Variants in CDH18 observed in about 807,000 individuals in gnomAD.
The protein encoded by CDH18 is cadherin-18.
CDH18 carries 31 observed loss-of-function variants against 67.9 expected under a neutral mutation model. That is an observed-to-expected ratio of 0.46 (90% CI 0.34 to 0.62). CDH18 has a LOEUF of 0.62. Ranked by LOEUF, CDH18 falls within the 20% of genes least tolerant of loss-of-function variation. The pLI, the probability that CDH18 is intolerant of heterozygous loss-of-function variation, is 0.01. For missense variants in CDH18, 890 were observed against 975.5 expected (o/e 0.91, Z 1.17); for synonymous variants, 362 against 347.2 (o/e 1.04, Z -0.48).
chr5:19,827,493 A>T (rs1247027679), intron 3 of CDH18, among the ~76,000 whole-genome samples: 3 of 152,156 alleles, frequency 2.0e-5, no homozygotes, highest in African/African-American at 7.2e-5. Context: ...ATAAAAAATA[A>T]AACAACCCTA....
At chr5:19,757,399 C>T (rs922605748) in intron 3 of CDH18, among the ~76,000 whole-genome samples, 1 of 152,186 alleles carries the variant, frequency 6.6e-6, no homozygotes, top group Non-Finnish European at 1.5e-5. Context: ...CTGCTGCTGG[C>T]AAACTGGGCA....
chr5:19,593,763 C>A (rs562991334), intron 6 of CDH18, among the ~76,000 whole-genome samples: 72 of 62,782 alleles, frequency 1.1e-3, no homozygotes, highest in Non-Finnish European at 1.9e-3. Flanking sequence ...CTTCTTCTTT[C>A]CTTTTATTAT....
At chr5:20,081,180 T>A (rs957091148) in intron 2 of CDH18, among the ~76,000 whole-genome samples, 2 of 152,198 alleles carry the variant, frequency 1.3e-5, no homozygotes, top group Non-Finnish European at 2.9e-5. Flanking sequence ...TTCATTTTAT[T>A]ATGGTTTATA....
intron 11 of CDH18, among the ~76,000 whole-genome samples, chr5:19,494,345 A>G (rs150689974): frequency 6.6e-6 from 1 of 152,310 alleles, no homozygotes; most frequent in Admixed American, 6.5e-5. Flanking sequence ...ATAATTGCCT[A>G]TATGTCTCCA....
chr5:19,830,488 T>A (rs913226140), intron 3 of CDH18, among the ~76,000 whole-genome samples: 1 of 152,212 alleles, frequency 6.6e-6, no homozygotes, highest in East Asian at 1.9e-4. Context: ...CACAATTTGA[T>A]ACCATCTTAC....
chr5:19,978,071 T>C (rs1254703986), intron 2 of CDH18, among the ~76,000 whole-genome samples: 1 of 152,124 alleles, frequency 6.6e-6, no homozygotes, highest in Non-Finnish European at 1.5e-5. Flanking sequence ...AAATATTCCA[T>C]ATTTTACTTT....
In CDH18 at chr5:20,198,201, GT is replaced by G. The variant is rs199751580; in HGVS notation, c.-518+57242del. 6.7e-3 allele frequency among the ~76,000 whole-genome samples: 1,024 copies of G among 152,330 alleles called. 14 individuals carry two copies. Among genetic ancestry groups the G allele is most frequent in the African/African-American group, 0.024 (979 of 41,572 alleles). ...TGGAAATATACCCATAAATGTGGAA[GT>G]GACTTTGGAACTCGGTAACAGACAG... On this transcript the variant is annotated intron_variant, in intron 2 of 14. Coordinates refer to the CDH18 transcript ENST00000507958.
At chr5:20,068,078 A>G (rs1743141095) in intron 2 of CDH18, among the ~76,000 whole-genome samples, 1 of 152,018 alleles carries the variant, frequency 6.6e-6, no homozygotes, top group African/African-American at 2.4e-5. Context: ...TTCAACGTGG[A>G]CTCTACACTA....
At chr5:20,219,396 T>C (rs1424631935) in intron 2 of CDH18, among the ~76,000 whole-genome samples, 1 of 151,424 alleles carries the variant, frequency 6.6e-6, no homozygotes, top group Non-Finnish European at 1.5e-5. Context: ...TTACCAAATA[T>C]GTAAAGAAGA....
intron 1 of CDH18, among the ~76,000 whole-genome samples, chr5:20,292,755 T>C (rs918438210): frequency 2.6e-5 from 4 of 152,280 alleles, no homozygotes; most frequent in South Asian, 2.1e-4. Context: ...GTTCTCTGCC[T>C]CAATCATCAC....
intron 2 of CDH18, among the ~76,000 whole-genome samples, chr5:20,244,769 G>A (rs1743247177): frequency 6.6e-6 from 1 of 151,964 alleles, no homozygotes. Context: ...ACATGTTGTT[G>A]CTTGTAATGT....
At chr5:19,663,139 G>A (rs932786824) in intron 5 of CDH18, among the ~76,000 whole-genome samples, 2 of 151,766 alleles carry the variant, frequency 1.3e-5, no homozygotes, top group African/African-American at 4.8e-5. Flanking sequence ...TAAAATTAAT[G>A]CTTTCAAAAA....
At chr5:20,049,202 C>T (rs1053257810) in intron 2 of CDH18, among the ~76,000 whole-genome samples, 16 of 151,606 alleles carry the variant, frequency 1.1e-4, no homozygotes, top group African/African-American at 3.9e-4. Flanking sequence ...CAGAAAGGGA[C>T]ATTCTAGAAG....
chr5:19,709,595 G>A (rs557363550), intron 5 of CDH18, among the ~76,000 whole-genome samples: 17 of 144,690 alleles, frequency 1.2e-4, no homozygotes, highest in East Asian at 2.0e-4. Context: ...AGAAAGTAAA[G>A]AAGGAAGGAA....
chr5:20,090,394 G>C (rs1249065604), intron 2 of CDH18, among the ~76,000 whole-genome samples: 1 of 151,978 alleles, frequency 6.6e-6, no homozygotes, highest in Non-Finnish European at 1.5e-5. Flanking sequence ...AATTAGCCAG[G>C]CATGGTGGTG....
chr5:19,974,946 G>GAACT (rs1221137712), intron 2 of CDH18, among the ~76,000 whole-genome samples: 2 of 151,966 alleles, frequency 1.3e-5, no homozygotes, highest in African/African-American at 4.8e-5. Flanking sequence ...GGCCATCTAG[G>GAACT]AACTCTATGA....
intron 3 of CDH18, among the ~76,000 whole-genome samples, chr5:19,816,543 A>T (rs1423993250): frequency 1.3e-5 from 2 of 151,840 alleles, no homozygotes; most frequent in Admixed American, 6.6e-5. Context: ...TATTACATTA[A>T]TAATCCACAC....
chr5:19,731,073 T>C (rs1256620407), intron 4 of CDH18, among the ~76,000 whole-genome samples: 2 of 152,130 alleles, frequency 1.3e-5, no homozygotes, highest in African/African-American at 4.8e-5. Context: ...TTTTTTATTC[T>C]GTTACAAATG....
chr5:20,237,459 A>C (rs2136109), intron 2 of CDH18, among the ~76,000 whole-genome samples: 100,519 of 151,734 alleles, frequency 0.66, 33,413 homozygotes, highest in Middle Eastern at 0.76. Flanking sequence ...TAGTATACTT[A>C]ATAACAAGTA....
Sources: gnomAD v4.1 joint callset for allele counts (sites outside exome capture counted in the v4.1 genomes callset) on GRCh38, gnomAD v4.1.1 for gene constraint, MANE v1.5 for transcripts, NCBI Gene and HGNC (gene_info 2026-07-23, HGNC 2026-07-21) for gene names.